Variants in NPC1L1 observed in about 807,000 individuals in gnomAD.
The protein encoded by NPC1L1 is NPC1 like intracellular cholesterol transporter 1, also known as NPC1-like intracellular cholesterol transporter 1.
A neutral mutation model predicts 117.0 loss-of-function variants in NPC1L1; 98 were observed. That is an observed-to-expected ratio of 0.84 (90% CI 0.71 to 0.99). NPC1L1 has a LOEUF of 0.99. NPC1L1 is among the 50% of genes least tolerant of loss of function. NPC1L1 has a pLI of 0.00. For synonymous variants in NPC1L1, 729 were observed against 727.6 expected, an observed-to-expected ratio of 1.00 and a Z score of -0.03; for missense variants, 1,540 against 1,710.0, an observed-to-expected ratio of 0.90 and a Z score of 1.75.
chr7:44,516,618 CAAAA>C, intron 16 of NPC1L1, 81 bp downstream of exon 16: 1 of 1,148,658 alleles, frequency 8.7e-7, no homozygotes, highest in Non-Finnish European at 1.3e-6. Flanking sequence ...AAAAAAGAAA[CAAAA>C]AAGAACTAGG....
intron 5 of NPC1L1, 135 bp downstream of exon 5, chr7:44,535,705 C>A: frequency 8.5e-7 from 1 of 1,171,536 alleles, no homozygotes; most frequent in Non-Finnish European, 1.2e-6. Flanking sequence ...AGAGGTATTA[C>A]CCTTTGGGGC....
chr7:44,517,072 C>G, intron 15 of NPC1L1, 135 bp downstream of exon 15: 1 of 1,445,120 alleles, frequency 6.9e-7, no homozygotes, highest in Middle Eastern at 2.4e-4. Context: ...GAAATAGGCC[C>G]AAGGCTGCAG....
At chr7:44,522,314 C>G in intron 10 of NPC1L1, 72 bp from the exon 11 acceptor site, 1 of 1,405,720 alleles carries the variant, frequency 7.1e-7, no homozygotes. Context: ...CCAGCTCACA[C>G]TCTCGAAGGT....
At position 44,540,298 on chromosome 7, in the gene NPC1L1, G is replaced by T. The variant is rs148248125; in HGVS notation, c.99C>A (p.Cys33Ter). Residue 33 changes from cysteine to a stop codon, truncating the protein, a stop_gained, in exon 2 of 19, where the codon TGC (cysteine) becomes TGA (stop). Coordinates refer to ENST00000381160, the MANE Select transcript of NPC1L1 (RefSeq NM_001101648.2). LOFTEE classifies it high-confidence loss of function. ...PYTTIHQPGY[C>*]AFYDECGKNP... ...TCTTCCCACATTCGTCATAGAAGGC[G>T]CAGTAGCCAGGCTGGTGGATGGTTG... 6.2e-7 allele frequency: 1 copy of T among 1,613,850 alleles called. No homozygotes were observed. Among genetic ancestry groups the T allele is most frequent in the Non-Finnish European group, 8.5e-7 (1 of 1,180,020 alleles).
At chr7:44,515,009 T>A (rs1322216621) in intron 18 of NPC1L1, among the ~76,000 whole-genome samples, 1 of 151,406 alleles carries the variant, frequency 6.6e-6, no homozygotes, top group Non-Finnish European at 1.5e-5. Flanking sequence ...CGAGACTCCA[T>A]CTCAAAAAAT....
intron 2 of NPC1L1, among the ~76,000 whole-genome samples, chr7:44,537,969 C>T (rs773134305): frequency 4.6e-5 from 7 of 152,310 alleles, no homozygotes; most frequent in Middle Eastern, 3.4e-3. Context: ...CAGAAAGTGT[C>T]GGCACTCTCT....
At position 44,522,114 on chromosome 7, in the gene NPC1L1, A is replaced by G; in HGVS notation, c.2766T>C (p.Ser922=). The change falls in exon 11 of 19, where the codon AGT becomes AGC. Residue 922 remains serine, a synonymous_variant. Transcript: ENST00000381160. ...TGAAGGAGAAGTTGTTGCAGCCTGC[A>G]CTGGAGCAGATGGCATTCATCCCAG... The part of the protein sequence containing the change: ...SEAGMNAICS[S]AGCNNFSFTQ... The G allele has an allele frequency of 6.2e-7, 1 of 1,614,022 alleles. No homozygotes were observed. Among genetic ancestry groups the G allele is most frequent in the Non-Finnish European group, 8.5e-7 (1 of 1,179,972 alleles).
chr7:44,541,107 C>A, intron 1 of NPC1L1, 99 bp downstream of exon 1: 1 of 1,328,700 alleles, frequency 7.5e-7, no homozygotes, highest in Non-Finnish European at 1.1e-6. Context: ...CCCTGAGGCT[C>A]CCTTGCTGTC....
Position 44,536,189 on chromosome 7 carries a change from G to A in NPC1L1, c.1854+67C>T. The A allele has an allele frequency of 6.2e-7, 1 of 1,605,496 alleles. No individual in the cohort carries two copies. Among genetic ancestry groups the A allele is most frequent in the Non-Finnish European group, 8.5e-7 (1 of 1,174,096 alleles). ...TTAGGAAGGGCCAGGGCCAGGATGG[G>A]GACACAGGAACTGACCCAAGACCAC... On this transcript the variant is annotated intron_variant, in intron 4 of 18. Coordinates refer to ENST00000381160, the MANE Select transcript of NPC1L1 (RefSeq NM_001101648.2). This position sits in a 1 kb window ranked among gnomAD's most constrained non-coding sequence, Gnocchi z 4.7.
Position 44,540,053 on chromosome 7 carries a change from G to C in NPC1L1, c.344C>G (p.Ala115Gly). The change falls in exon 2 of 19, where the codon GCC becomes GGC. Residue 115 changes from alanine (A) to glycine (G), a missense_variant. Ala to Gly is a moderately conservative substitution (Grantham distance 60). This residue lies in a region of NPC1L1 where 793 missense variants were observed against 820.4 expected (regional missense o/e 0.97). Transcript: ENST00000381160. ...CAGGTTCACAAAATTGTCAGAGCAG[G>C]CTGGGCAGCGGGTGAGGAGGGCCTT... ...ITKALLTRCP[A>G]CSDNFVNLHC... The C allele has an allele frequency of 6.2e-7, 1 of 1,614,230 alleles. No individual in the cohort carries two copies.
In NPC1L1 at chr7:44,513,375, G is replaced by C. The variant is rs895414312; in HGVS notation, c.*72C>G. The C allele has an allele frequency of 2.1e-6, 3 of 1,413,886 alleles. No homozygotes were observed. The Admixed American group carries it at 5.0e-5, about 24-fold the overall frequency. 87.6% of individuals were successfully genotyped at this position (1,413,886 alleles called of 1,614,324 possible). On this transcript the variant is annotated 3_prime_UTR_variant, in exon 19 of 19. Transcript: ENST00000381160. ...GATTTGAGGAGGGCGTGTGTCAAGG[G>C]GCAGTCACAAGGAAGATCCCCATAA...
intron 5 of NPC1L1, 85 bp downstream of exon 5, chr7:44,535,755 G>A: frequency 6.3e-7 from 1 of 1,593,962 alleles, no homozygotes; most frequent in Non-Finnish European, 8.6e-7. Flanking sequence ...CTGAGGTGCT[G>A]TGGTTAGGAA....
rs780427494 is a variant in NPC1L1 at position 44,539,806 on chromosome 7, G to A, written c.591C>T (p.Cys197=). 1 of 1,614,146 alleles carries A rather than the reference G, an allele frequency of 6.2e-7. No homozygotes were observed. Among genetic ancestry groups the A allele is most frequent in the Non-Finnish European group, 8.5e-7 (1 of 1,180,028 alleles). Residue 197 remains cysteine (C), a synonymous_variant, in exon 2 of 19, where the codon TGC becomes TGT. Transcript: ENST00000381160. The surrounding 1 kb of genome is among the most constrained non-coding windows in gnomAD (Gnocchi z 4.4). ...TMCGVYGSAL[C]NAQRWLNFQG... Reference sequence around the variant, plus strand: ...GGAAGTTGAGCCAGCGCTGGGCATTGCAAAGGGCAGAGCCATACACGCCAC... The same window carrying A: ...GGAAGTTGAGCCAGCGCTGGGCATTACAAAGGGCAGAGCCATACACGCCAC...
rs1432671919 is a variant in NPC1L1, at chr7:44,534,675, C to T, written c.1984-46G>A. ...GCCCCCTAGCCACTTAGCACCTACCCAGTATGCCCACCAGCCTCAGCTAGG... is the reference window on the plus strand; with the variant it reads ...GCCCCCTAGCCACTTAGCACCTACCTAGTATGCCCACCAGCCTCAGCTAGG... On this transcript the variant is annotated intron_variant, in intron 5 of 18. Transcript: ENST00000381160. The surrounding 1 kb of genome is among the most constrained non-coding windows in gnomAD (Gnocchi z 5.2). 3 of 1,602,608 alleles carry T rather than the reference C, an allele frequency of 1.9e-6. No individual in the cohort carries two copies. The highest frequency in any genetic ancestry group is 1.1e-5 in the South Asian group (1 of 90,696).
chr7:44,515,085 G>A (rs564928147), intron 18 of NPC1L1, among the ~76,000 whole-genome samples: 25 of 151,802 alleles, frequency 1.6e-4, no homozygotes, highest in African/African-American at 4.6e-4. Flanking sequence ...AAAGCCAAGC[G>A]CAGTGGCTCA....
rs1296385139 is a variant in NPC1L1 at position 44,539,225 on chromosome 7, C to T, written c.1172G>A (p.Arg391Gln). ...CTGGTCATGGAAAGCTTTCTCACTC[C>T]GGGCTTGGCTGTTGGGGGCCGACCA... The part of the protein sequence containing the change: ...ELWSAPNSQA[R>Q]SEKAFHDQHF... The change falls in exon 2 of 19, where the codon CGG becomes CAG. Residue 391 changes from arginine (R) to glutamine (Q), a missense_variant. Physicochemically the swap from Arg to Gln is conservative, Grantham distance 43. This residue lies in a region of NPC1L1 where 793 missense variants were observed against 820.4 expected (regional missense o/e 0.97). Transcript: ENST00000381160. The surrounding 1 kb of genome is among the most constrained non-coding windows in gnomAD (Gnocchi z 4.4). The T allele has an allele frequency of 3.1e-6, 5 of 1,614,120 alleles. No individual in the cohort carries two copies. Among genetic ancestry groups the T allele is most frequent in the Admixed American group, 1.7e-5 (1 of 60,018 alleles).
chr7:44,516,673 GC>G, intron 16 of NPC1L1, 29 bp downstream of exon 16: 1 of 1,557,086 alleles, frequency 6.4e-7, no homozygotes, highest in Admixed American at 1.8e-5. Flanking sequence ...CCCTCCAGAG[GC>G]CCCCTGGTGC....
rs1802011944 is a variant in NPC1L1 at position 44,539,460 on chromosome 7, T to G, written c.937A>C (p.Lys313Gln). ...VGFRVAPARD[K>Q]SKMVDPKKGT... ...TTCTTGGGGTCCACCATCTTGCTTT[T>G]GTCCCTGGCGGGGGCCACACGGAAT... The change falls in exon 2 of 19, where the codon AAA becomes CAA. Residue 313 changes from lysine (K) to glutamine (Q), a missense_variant. Transcript: ENST00000381160. This position sits in a 1 kb window ranked among gnomAD's most constrained non-coding sequence, Gnocchi z 4.4. The G allele has an allele frequency of 6.2e-6, 10 of 1,613,962 alleles. No homozygotes were observed. The highest frequency in any genetic ancestry group is 1.7e-5 in the Admixed American group (1 of 60,008).
intron 10 of NPC1L1, among the ~76,000 whole-genome samples, chr7:44,526,970 G>A (rs1801536266): frequency 1.3e-5 from 2 of 152,134 alleles, no homozygotes; most frequent in Non-Finnish European, 2.9e-5. Flanking sequence ...GTTGCAGTGA[G>A]CTGAGATCAC....
Sources: allele counts gnomAD v4.1 joint callset (sites outside exome capture counted in the v4.1 genomes callset), GRCh38; gene constraint gnomAD v4.1.1; regional missense constraint gnomAD v4.1.1; non-coding constraint Gnocchi (gnomAD v3.1); transcripts MANE v1.5; gene names NCBI Gene and HGNC (gene_info 2026-07-23, HGNC 2026-07-21).